The following TAF4B variants were observed in gnomAD, a reference collection of about 807,000 sequenced individuals.
The protein encoded by TAF4B is transcription initiation factor TFIID subunit 4B.
TAF4B carries 38 observed loss-of-function variants against 86.4 expected under a neutral mutation model. The observed-to-expected ratio is 0.44, with a 90% CI of 0.34 to 0.58. TAF4B has a LOEUF of 0.58. TAF4B is among the 20% of genes least tolerant of loss of function. The pLI is 0.02. For synonymous variants in TAF4B, 388 were observed against 391.2 expected (o/e 0.99, Z 0.10); for missense variants, 988 against 1,027.6 (o/e 0.96, Z 0.53).
rs200574502 is a variant in TAF4B at position 26,255,044 on chromosome 18, CAA to C, written c.344-10125_344-10124del. On this transcript the variant is annotated intron_variant, in intron 1 of 14. Transcript: ENST00000269142. ...ACAAACTTACTATCATGAGGGAAAA[CAA>C]GAGTAGCCAGCCACCTTAAAAAATG... Among the ~76,000 whole-genome samples the C allele has an allele frequency of 6.3e-3, 959 of 152,238 alleles. 5 individuals carry two copies. Among genetic ancestry groups the C allele is most frequent in the Non-Finnish European group, 1.0e-2 (678 of 67,992 alleles).
intron 10 of TAF4B, among the ~76,000 whole-genome samples, chr18:26,316,419 C>T (rs2056912626): frequency 6.6e-6 from 1 of 151,776 alleles, no homozygotes; most frequent in African/African-American, 2.4e-5. Context: ...TGGAGGGAGC[C>T]TCACTCTGTC....
intron 6 of TAF4B, among the ~76,000 whole-genome samples, chr18:26,284,257 G>T (rs998023234): frequency 7.2e-5 from 11 of 152,180 alleles, no homozygotes; most frequent in African/African-American, 2.4e-4. Context: ...AAGAGTTAGT[G>T]CTATACTCTG....
At chr18:26,332,312 A>G (rs1312560709) in intron 12 of TAF4B, among the ~76,000 whole-genome samples, 1 of 152,170 alleles carries the variant, frequency 6.6e-6, no homozygotes, top group Non-Finnish European at 1.5e-5. Flanking sequence ...ATGCTAGTCC[A>G]CGCTTCCCTT....
chr18:26,346,877 G>GTGTGTGTATA (rs1391442304), intron 13 of TAF4B, among the ~76,000 whole-genome samples: 4 of 6,608 alleles, frequency 6.1e-4, no homozygotes, highest in Admixed American at 4.3e-3. Flanking sequence ...ATATATATGT[G>GTGTGTGTATA]TATATATATA....
chr18:26,365,081 A>T (rs1318527591), intron 14 of TAF4B, among the ~76,000 whole-genome samples: 2 of 138,744 alleles, frequency 1.4e-5, no homozygotes, highest in Admixed American at 8.3e-5. Context: ...ATCTCGGCTC[A>T]CTGCAACCTC....
chr18:26,345,621 G>A (rs902576638), intron 13 of TAF4B, among the ~76,000 whole-genome samples: 7 of 152,110 alleles, frequency 4.6e-5, no homozygotes, highest in Non-Finnish European at 8.8e-5. Flanking sequence ...CTACACTACT[G>A]TGTCCACCTA....
At chr18:26,346,751 A>ATG (rs1231601956) in intron 13 of TAF4B, among the ~76,000 whole-genome samples, 6 of 43,068 alleles carry the variant, frequency 1.4e-4, no homozygotes, top group South Asian at 1.1e-3. Flanking sequence ...ATATATATAT[A>ATG]TATGTGTGTA....
chr18:26,333,871 C>T (rs979485951), intron 12 of TAF4B, among the ~76,000 whole-genome samples: 8 of 152,046 alleles, frequency 5.3e-5, no homozygotes, highest in South Asian at 2.1e-4. Context: ...TATCATCTGT[C>T]TCCAAAGGCT....
chr18:26,279,746 T>G (rs528923433), intron 5 of TAF4B, among the ~76,000 whole-genome samples: 1 of 152,114 alleles, frequency 6.6e-6, no homozygotes, highest in African/African-American at 2.4e-5. Flanking sequence ...TCAACAAAAA[T>G]AAGTAATGGG....
At chr18:26,244,948 G>A (rs184080187) in intron 1 of TAF4B, among the ~76,000 whole-genome samples, 26 of 152,204 alleles carry the variant, frequency 1.7e-4, no homozygotes, top group Admixed American at 1.2e-3. Flanking sequence ...ACTTTTTGTC[G>A]GGACCCCAGA....
chr18:26,246,420 T>C (rs2055925065), intron 1 of TAF4B, among the ~76,000 whole-genome samples: 1 of 152,196 alleles, frequency 6.6e-6, no homozygotes, highest in African/African-American at 2.4e-5. Context: ...GTTGGCTTTT[T>C]GTGGAATGTA....
intron 12 of TAF4B, among the ~76,000 whole-genome samples, chr18:26,329,019 TTTC>T (rs1252093074): frequency 1.3e-5 from 2 of 152,022 alleles, no homozygotes; most frequent in Non-Finnish European, 2.9e-5. Context: ...CCTCCCTTTC[TTTC>T]TTCTTCTCTC....
chr18:26,365,058 G>A (rs2057362825), intron 14 of TAF4B, among the ~76,000 whole-genome samples: 2 of 145,664 alleles, frequency 1.4e-5, no homozygotes, highest in South Asian at 4.3e-4. Flanking sequence ...CCAGGCGGGA[G>A]TGCAGTGTCG....
chr18:26,319,653 G>C (rs2056944362), intron 10 of TAF4B, among the ~76,000 whole-genome samples: 1 of 151,842 alleles, frequency 6.6e-6, no homozygotes, highest in Non-Finnish European at 1.5e-5. Flanking sequence ...GCAATGGTGC[G>C]ATCTCAGCGC....
chr18:26,237,251 A>G (rs2055762971), intron 1 of TAF4B, among the ~76,000 whole-genome samples: 1 of 152,124 alleles, frequency 6.6e-6, no homozygotes, highest in African/African-American at 2.4e-5. Flanking sequence ...CTAAAGCCAC[A>G]TTCTTCTCAT....
At chr18:26,356,342 A>C (rs1312572429) in intron 13 of TAF4B, among the ~76,000 whole-genome samples, 1 of 152,166 alleles carries the variant, frequency 6.6e-6, no homozygotes, top group Non-Finnish European at 1.5e-5. Context: ...ACAGACGTTC[A>C]GAACATAGCA....
chr18:26,244,009 C>T (rs2055883064), intron 1 of TAF4B, among the ~76,000 whole-genome samples: 1 of 152,218 alleles, frequency 6.6e-6, no homozygotes. Flanking sequence ...GAGATGCCTC[C>T]CAGTTAGGCT....
intron 1 of TAF4B, among the ~76,000 whole-genome samples, chr18:26,246,254 GTTAC>G (rs1217033811): frequency 6.6e-6 from 1 of 152,160 alleles, no homozygotes; most frequent in Non-Finnish European, 1.5e-5. Flanking sequence ...GTATGGGTTT[GTTAC>G]TTACTGAATG....
chr18:26,287,425 A>G (rs769881359), intron 7 of TAF4B, among the ~76,000 whole-genome samples: 5 of 152,010 alleles, frequency 3.3e-5, no homozygotes, highest in Non-Finnish European at 7.4e-5. Flanking sequence ...TTTTTTTGCT[A>G]AACTTGGTAG....
Sources: allele counts gnomAD v4.1 joint callset (sites outside exome capture counted in the v4.1 genomes callset), GRCh38; gene constraint gnomAD v4.1.1; transcripts MANE v1.5; gene names NCBI Gene and HGNC (gene_info 2026-07-23, HGNC 2026-07-21).